Variants in CPXM2 observed in about 807,000 individuals in gnomAD.
The protein encoded by CPXM2 is inactive carboxypeptidase-like protein X2.
A neutral mutation model predicts 86.1 loss-of-function variants in CPXM2; 66 were observed. The observed-to-expected ratio is 0.77, with a 90% CI of 0.63 to 0.94. The LOEUF (loss-of-function observed/expected upper bound fraction) is 0.94. Among genes scored for constraint, CPXM2 ranks in the 40% least tolerant of loss-of-function variants. The pLI is 0.00. For synonymous variants in CPXM2, 388 were observed against 400.2 expected, an observed-to-expected ratio of 0.97 and a Z score of 0.36; for missense variants, 948 against 1,026.3, an observed-to-expected ratio of 0.92 and a Z score of 1.04.
At chr10:123,755,713 C>T (rs1564750807) in intron 12 of CPXM2, among the ~76,000 whole-genome samples, 1 of 152,166 alleles carries the variant, frequency 6.6e-6, no homozygotes, top group Admixed American at 6.5e-5. Flanking sequence ...GCACTCAAAC[C>T]TTATGCCTCA....
chr10:123,778,288 A>G (rs955341702), intron 7 of CPXM2, among the ~76,000 whole-genome samples: 3 of 152,224 alleles, frequency 2.0e-5, no homozygotes, highest in Non-Finnish European at 4.4e-5. Flanking sequence ...TTCTACAGTA[A>G]CCTAGCAGAC....
chr10:123,790,580 A>G (rs1847184305), intron 6 of CPXM2, among the ~76,000 whole-genome samples: 1 of 152,180 alleles, frequency 6.6e-6, no homozygotes, highest in Non-Finnish European at 1.5e-5. Flanking sequence ...AGTTCACTAT[A>G]TTTAACAGTA....
chr10:123,889,715 C>T (rs1255871962), intron 1 of CPXM2, among the ~76,000 whole-genome samples: 1 of 152,182 alleles, frequency 6.6e-6, no homozygotes, highest in East Asian at 1.9e-4. Context: ...GAAGTTAAAG[C>T]TCAGGAAACT....
chr10:123,909,344 G>T (rs920751524), intron 2 of CPXM2, among the ~76,000 whole-genome samples: 9 of 152,154 alleles, frequency 5.9e-5, no homozygotes, highest in Non-Finnish European at 1.0e-4. Flanking sequence ...TATAAATCCC[G>T]ATTGCAGTCC....
intron 2 of CPXM2, 98 bp downstream of exon 2, chr10:123,880,113 A>G (rs1945057489): frequency 3.0e-6 from 2 of 668,982 alleles, no homozygotes; most frequent in East Asian, 2.5e-5. Context: ...ACACTCGGGA[A>G]TCTGTAGTCA....
At chr10:123,779,289 G>A (rs935887928) in intron 7 of CPXM2, among the ~76,000 whole-genome samples, 10 of 152,188 alleles carry the variant, frequency 6.6e-5, no homozygotes, top group African/African-American at 2.2e-4. Context: ...CATAGGCACC[G>A]CACTTAGCGT....
intron 2 of CPXM2, among the ~76,000 whole-genome samples, chr10:123,924,062 A>G (rs1349812566): frequency 6.6e-6 from 1 of 152,210 alleles, no homozygotes; most frequent in Non-Finnish European, 1.5e-5. Context: ...GTGGTTATAT[A>G]AGTAAAAAGG....
intron 2 of CPXM2, among the ~76,000 whole-genome samples, chr10:123,866,674 A>C (rs1157381139): frequency 6.6e-6 from 1 of 152,208 alleles, no homozygotes; most frequent in African/African-American, 2.4e-5. Context: ...GCAGGTGTGA[A>C]CGCTGCAGCT....
chr10:123,926,360 G>C (rs1182822167), intron 2 of CPXM2, among the ~76,000 whole-genome samples: 1 of 152,158 alleles, frequency 6.6e-6, no homozygotes, highest in Non-Finnish European at 1.5e-5. Context: ...TGCTCCTCCT[G>C]GGTTCCCCCA....
At chr10:123,930,452 C>A (rs1408145289) in intron 2 of CPXM2, among the ~76,000 whole-genome samples, 1 of 152,222 alleles carries the variant, frequency 6.6e-6, no homozygotes, top group African/African-American at 2.4e-5. Context: ...TCTCCCTGTG[C>A]CAGGGACCAG....
At chr10:123,750,493 G>A (rs941597063) in intron 13 of CPXM2, 3 of 985,236 alleles carry the variant, frequency 3.0e-6, no homozygotes, top group African/African-American at 1.7e-5. Flanking sequence ...TCCCCTTAGG[G>A]AGGGACCCTT....
chr10:123,942,594 G>T (rs1481641109), upstream of CPXM2, among the ~76,000 whole-genome samples: 1 of 152,166 alleles, frequency 6.6e-6, no homozygotes, highest in Admixed American at 6.5e-5. Context: ...CCTAAAAGTG[G>T]GAGGAACCCT....
intron 11 of CPXM2, among the ~76,000 whole-genome samples, chr10:123,760,929 AT>A (rs1846319006): frequency 1.8e-5 from 1 of 54,500 alleles, no homozygotes. Context: ...ACATGAAAAT[AT>A]TTTGCAAATT....
chr10:123,895,065 T>C (rs1590109586), upstream of CPXM2, among the ~76,000 whole-genome samples: 5 of 151,326 alleles, frequency 3.3e-5, no homozygotes, highest in East Asian at 3.9e-4. Flanking sequence ...CTTGGCTCTT[T>C]CCACTTGCCA....
chr10:123,763,421 C>T (rs1484098682), intron 10 of CPXM2, among the ~76,000 whole-genome samples: 1 of 152,082 alleles, frequency 6.6e-6, no homozygotes, highest in Non-Finnish European at 1.5e-5. Context: ...ACCTATCCAC[C>T]CTCCTGCCTC....
At chr10:123,829,176 T>C (rs1177658711) in intron 4 of CPXM2, among the ~76,000 whole-genome samples, 1 of 152,144 alleles carries the variant, frequency 6.6e-6, no homozygotes, top group Non-Finnish European at 1.5e-5. Flanking sequence ...CGAGATATCA[T>C]TACGCACCTG....
intron 13 of CPXM2, chr10:123,751,728 C>T (rs181141401): frequency 1.0e-6 from 1 of 985,430 alleles, no homozygotes. Flanking sequence ...TGTCAGATCA[C>T]ATAAACCTCA....
rs1456874249 is a variant in CPXM2 at position 123,857,136 on chromosome 10, C to G, written c.513+5478G>C. ...TGTCTTCCTTGAATTCCTGAAAAGTCTATTTTGTCCCAATGTAGTGATAAA... is the reference window on the plus strand; with the variant it reads ...TGTCTTCCTTGAATTCCTGAAAAGTGTATTTTGTCCCAATGTAGTGATAAA... On this transcript the variant is annotated intron_variant, in intron 3 of 13. Transcript: ENST00000241305. 2.0e-5 allele frequency among the ~76,000 whole-genome samples: 3 copies of G among 152,234 alleles called. No individual in the cohort carries two copies. In the East Asian group the frequency reaches 5.8e-4, roughly 29 times the overall value.
intron 2 of CPXM2, among the ~76,000 whole-genome samples, chr10:123,901,123 A>T (rs1346037286): frequency 6.6e-6 from 1 of 152,228 alleles, no homozygotes; most frequent in Non-Finnish European, 1.5e-5. Flanking sequence ...ACCCTTACAC[A>T]GTAAGAAAAA....
Sources: allele counts gnomAD v4.1 joint callset (sites outside exome capture counted in the v4.1 genomes callset), GRCh38; gene constraint gnomAD v4.1.1; transcripts MANE v1.5; gene names NCBI Gene and HGNC (gene_info 2026-07-23, HGNC 2026-07-21).